Variants in STK3 observed in about 807,000 individuals in gnomAD.
STK3 encodes the protein serine/threonine kinase 3, also known as serine/threonine-protein kinase 3.
STK3 carries 41 observed loss-of-function variants against 58.0 expected under a neutral mutation model. The observed-to-expected ratio is 0.71, with a 90% CI of 0.55 to 0.92. The LOEUF is 0.92. Ranked by LOEUF, STK3 falls within the 40% of genes least tolerant of loss-of-function variation. The probability of loss-of-function intolerance (pLI) is 0.00; values close to 1 mark genes in which losing one functional copy is unlikely to be tolerated. For missense variants in STK3, 479 were observed against 602.7 expected (o/e 0.79, Z 2.15); for synonymous variants, 170 against 191.0 (o/e 0.89, Z 0.91).
At chr8:98,397,397 C>T (rs897418374), downstream of STK3, among the ~76,000 whole-genome samples, 4 of 151,906 alleles carry the variant, frequency 2.6e-5, no homozygotes, top group South Asian at 4.2e-4. Flanking sequence ...GGTGAGGGGG[C>T]GGATAGCAGG....
chr8:98,902,304 G>A (rs1469418850), intron 1 of STK3, among the ~76,000 whole-genome samples: 1 of 152,050 alleles, frequency 6.6e-6, no homozygotes, highest in African/African-American at 2.4e-5. Context: ...CTGAGCTCTA[G>A]ACCTATTTGT....
chr8:98,698,537 G>A (rs1395778394), intron 6 of STK3, among the ~76,000 whole-genome samples: 1 of 152,126 alleles, frequency 6.6e-6, no homozygotes, highest in Non-Finnish European at 1.5e-5. Flanking sequence ...CTTCCTTCAG[G>A]AGCTCTTTTA....
At position 98,439,384 on chromosome 8, in the gene STK3, C is replaced by A. The variant is rs944020526; in HGVS notation, n.186-2176G>T. ...GCACCGACATCCTTAGCAAAGCCTC[C>A]CAGGCTGGAGACCTGTGACATGCTA... On this transcript the variant is annotated intron_variant and non_coding_transcript_variant, in intron 1 of 3. Transcript: ENST00000517832. The A allele has an allele frequency of 2.0e-5, 3 of 152,184 alleles. No individual in the cohort carries two copies. In the East Asian group the frequency reaches 5.8e-4, roughly 29 times the overall value. The allele number at this position is 152,184 out of a possible 1,614,324, so 9.4% of individuals were successfully genotyped here. A position where few individuals can be genotyped will look rare whatever the true frequency, so the allele number is the denominator to read the frequency against.
In STK3 at chr8:98,404,391, C is replaced by A. The variant is rs916269282; in HGVS notation, n.484-2878G>T. ...ATGTCTACAAACAATCAAAAATTAG[C>A]CAGGTATGGCTGGGTGTGGTGGCTC... On this transcript the variant is annotated intron_variant and non_coding_transcript_variant, in intron 3 of 3. Coordinates refer to the STK3 transcript ENST00000517832. Among the ~76,000 whole-genome samples, 6 of 152,162 alleles carry A rather than the reference C, an allele frequency of 3.9e-5. No individual in the cohort carries two copies. The East Asian group carries it at 1.2e-3, about 29-fold the overall frequency.
At chr8:98,680,188 T>A (rs1461487583) in intron 6 of STK3, among the ~76,000 whole-genome samples, 2 of 152,114 alleles carry the variant, frequency 1.3e-5, no homozygotes, top group Non-Finnish European at 2.9e-5. Flanking sequence ...TTTATAAACA[T>A]CAATCAATGC....
the STK3 span, among the ~76,000 whole-genome samples, chr8:98,349,538 G>A: frequency 1.3e-5 from 2 of 152,158 alleles, no homozygotes; most frequent in Non-Finnish European, 2.9e-5. Flanking sequence ...ACCCCAGTGG[G>A]GACTCTCTAT....
chr8:98,468,010 C>T (rs1820617659), intron 10 of STK3, among the ~76,000 whole-genome samples: 1 of 151,996 alleles, frequency 6.6e-6, no homozygotes, highest in African/African-American at 2.4e-5. Flanking sequence ...TAGCTAAAAC[C>T]CACAAATCAT....
chr8:98,751,890 A>G (rs776426596), intron 3 of STK3, among the ~76,000 whole-genome samples: 6 of 152,146 alleles, frequency 3.9e-5, no homozygotes, highest in African/African-American at 1.2e-4. Context: ...CAGTGAGCTG[A>G]GATTGTGTCA....
At chr8:98,446,967 G>A (rs546965427) in intron 1 of STK3, among the ~76,000 whole-genome samples, 4 of 152,170 alleles carry the variant, frequency 2.6e-5, no homozygotes, top group African/African-American at 7.2e-5. Flanking sequence ...AGCCATTATC[G>A]TTAGCAAACA....
At chr8:98,792,599 C>A (rs1023472408) in intron 1 of STK3, among the ~76,000 whole-genome samples, 2 of 152,144 alleles carry the variant, frequency 1.3e-5, no homozygotes, top group Admixed American at 6.5e-5. Context: ...ACTTGGAAGA[C>A]TGAGGCAGGA....
the STK3 span, among the ~76,000 whole-genome samples, chr8:98,347,381 G>A: frequency 1.3e-5 from 2 of 151,658 alleles, no homozygotes; most frequent in Non-Finnish European, 2.9e-5. Flanking sequence ...CGGGCGTGAT[G>A]GCGGGCGCCT....
downstream of STK3, among the ~76,000 whole-genome samples, chr8:98,369,950 T>G (rs1251795879): frequency 6.6e-6 from 1 of 151,844 alleles, no homozygotes; most frequent in East Asian, 1.9e-4. Context: ...GGGCAAAGGT[T>G]TATGTGTTGT....
At chr8:98,444,142 G>GT (rs1818832329) in intron 1 of STK3, among the ~76,000 whole-genome samples, 1 of 152,188 alleles carries the variant, frequency 6.6e-6, no homozygotes, top group African/African-American at 2.4e-5. Flanking sequence ...AGACAGAAGA[G>GT]TAAGTAGATA....
At chr8:98,795,289 C>T (rs1488877260) in intron 1 of STK3, among the ~76,000 whole-genome samples, 3 of 147,916 alleles carry the variant, frequency 2.0e-5, no homozygotes, top group Non-Finnish European at 1.5e-5. Flanking sequence ...ATGACCATCC[C>T]AACAGACATG....
At chr8:98,448,315 C>G (rs1819046247) in intron 1 of STK3, among the ~76,000 whole-genome samples, 1 of 152,160 alleles carries the variant, frequency 6.6e-6, no homozygotes, top group Admixed American at 6.5e-5. Context: ...CATGAATTTG[C>G]ACACTGATTG....
At chr8:98,790,587 C>T (rs759382268) in intron 1 of STK3, among the ~76,000 whole-genome samples, 6 of 152,162 alleles carry the variant, frequency 3.9e-5, no homozygotes, top group Non-Finnish European at 8.8e-5. Context: ...GCTGAAAGCA[C>T]TCCCTCTGAG....
upstream of STK3, among the ~76,000 whole-genome samples, chr8:98,828,547 C>T (rs111851344): frequency 0.014 from 2,171 of 150,764 alleles, 46 homozygotes; most frequent in African/African-American, 0.051. Flanking sequence ...AGCCACTGCA[C>T]TCCAGCCTGA....
chr8:98,694,752 G>T (rs555597025), intron 6 of STK3, among the ~76,000 whole-genome samples: 68 of 152,196 alleles, frequency 4.5e-4, no homozygotes, highest in Admixed American at 3.7e-3. Context: ...GTCTATCATT[G>T]TTGGACATTT....
intron 1 of STK3, among the ~76,000 whole-genome samples, chr8:98,933,978 T>C (rs1840102048): frequency 6.6e-6 from 1 of 152,248 alleles, no homozygotes; most frequent in Admixed American, 6.5e-5. Flanking sequence ...AGATTGTCCT[T>C]GGGCTCTGGC....
Sources: allele counts gnomAD v4.1 joint callset (sites outside exome capture counted in the v4.1 genomes callset), GRCh38; gene constraint gnomAD v4.1.1; transcripts MANE v1.5; gene names NCBI Gene and HGNC (gene_info 2026-07-23, HGNC 2026-07-21).